Variants in ITGB6 observed in about 807,000 individuals in gnomAD.
The protein encoded by ITGB6 is integrin beta-6.
Under a neutral mutation model 84.5 loss-of-function variants are expected in ITGB6, and 80 were observed. The ratio of observed to expected loss-of-function variants is 0.95; its 90% CI spans 0.79 to 1.14. The LOEUF is 1.14. Among genes scored for constraint, ITGB6 ranks in the 50% most tolerant of loss-of-function variants. ITGB6 has a pLI of 0.00. For missense variants in ITGB6, 1,006 were observed against 968.0 expected (o/e 1.04, Z -0.52); for synonymous variants, 383 against 354.9 (o/e 1.08, Z -0.89).
rs1452305547 is a variant in ITGB6, at chr2:160,099,835, G to C, written c.*1901C>G. The C allele has an allele frequency of 6.6e-6, 1 of 152,106 alleles. No homozygotes were observed. Among genetic ancestry groups the C allele is most frequent in the African/African-American group, 2.4e-5 (1 of 41,416 alleles). The allele number at this position is 152,106 out of a possible 1,614,324, so 9.4% of individuals were successfully genotyped here. A position where few individuals can be genotyped will look rare whatever the true frequency, so the allele number is the denominator to read the frequency against. Reference sequence around the variant, plus strand: ...CTGCCTGGGGTCAAAACAGTATTCAGAGAAAGAGCAGATTCTTCTCTACCT... The same window carrying C: ...CTGCCTGGGGTCAAAACAGTATTCACAGAAAGAGCAGATTCTTCTCTACCT... On this transcript the variant is annotated 3_prime_UTR_variant, in exon 15 of 15. Coordinates refer to ENST00000283249, the MANE Select transcript of ITGB6 (RefSeq NM_000888.5).
At chr2:160,145,743 T>C (rs1684160022) in intron 7 of ITGB6, among the ~76,000 whole-genome samples, 1 of 152,176 alleles carries the variant, frequency 6.6e-6, no homozygotes, top group African/African-American at 2.4e-5. Flanking sequence ...CCTGGTTAAC[T>C]GTGGACAGGC....
At position 160,189,721 on chromosome 2, in the gene ITGB6, T is replaced by C. The variant is rs1437913656; in HGVS notation, c.593+5648A>G. 2.0e-5 allele frequency among the ~76,000 whole-genome samples: 3 copies of C among 151,802 alleles called. No homozygotes were observed. The East Asian group carries it at 5.8e-4, about 29-fold the overall frequency. On this transcript the variant is annotated intron_variant, in intron 4 of 14. Coordinates refer to ENST00000283249, the MANE Select transcript of ITGB6 (RefSeq NM_000888.5). ...AGGAAACAACAGGTGCTGGAGAGGA[T>C]GTGGAGAAATAGGAACACTTTTACA...
chr2:160,108,768 G>C (rs1346671904), intron 13 of ITGB6, among the ~76,000 whole-genome samples: 1 of 152,118 alleles, frequency 6.6e-6, no homozygotes, highest in African/African-American at 2.4e-5. Flanking sequence ...CTTTCAACTT[G>C]AATATTCTAT....
intron 4 of ITGB6, among the ~76,000 whole-genome samples, chr2:160,185,675 A>G (rs1263482284): frequency 6.6e-6 from 1 of 152,232 alleles, no homozygotes; most frequent in Non-Finnish European, 1.5e-5. Context: ...GACAATCCTA[A>G]GCAAAAGAAC....
At chr2:160,134,055 A>G (rs1243517464) in intron 10 of ITGB6, among the ~76,000 whole-genome samples, 1 of 152,240 alleles carries the variant, frequency 6.6e-6, no homozygotes, top group African/African-American at 2.4e-5. Flanking sequence ...AACTAAGATC[A>G]GAGCAGAACT....
At chr2:160,121,893 T>A in intron 12 of ITGB6, among the ~76,000 whole-genome samples, 1 of 151,488 alleles carries the variant, frequency 6.6e-6, no homozygotes, top group East Asian at 1.9e-4. Flanking sequence ...GTTATGCTTT[T>A]TTTTTTTACT....
At chr2:160,195,906 G>A (rs536952076) in intron 3 of ITGB6, among the ~76,000 whole-genome samples, 15 of 152,136 alleles carry the variant, frequency 9.9e-5, no homozygotes, top group Non-Finnish European at 2.1e-4. Flanking sequence ...TTTTAGAAAA[G>A]GAGAACCAAA....
intron 4 of ITGB6, among the ~76,000 whole-genome samples, chr2:160,178,506 G>A (rs1364969032): frequency 6.6e-6 from 1 of 152,126 alleles, no homozygotes; most frequent in Non-Finnish European, 1.5e-5. Flanking sequence ...CTAGAACTCT[G>A]TGCCTTTGGA....
intron 4 of ITGB6, among the ~76,000 whole-genome samples, chr2:160,189,508 A>G (rs1463276148): frequency 6.6e-6 from 1 of 152,170 alleles, no homozygotes; most frequent in Non-Finnish European, 1.5e-5. Context: ...AATTTACAAG[A>G]AAAAAACAAA....
intron 4 of ITGB6, among the ~76,000 whole-genome samples, chr2:160,191,674 T>C (rs924649570): frequency 1.3e-4 from 20 of 151,916 alleles, no homozygotes; most frequent in African/African-American, 4.6e-4. Flanking sequence ...GTCGGTGCAA[T>C]AAGGTAAGAA....
chr2:160,156,856 G>A (rs1050414179), intron 7 of ITGB6, among the ~76,000 whole-genome samples: 1 of 152,170 alleles, frequency 6.6e-6, no homozygotes, highest in Non-Finnish European at 1.5e-5. Flanking sequence ...TTAGGTGCCT[G>A]GCAATGGCTA....
At chr2:160,135,028 C>A (rs1424879534) in intron 10 of ITGB6, among the ~76,000 whole-genome samples, 2 of 152,146 alleles carry the variant, frequency 1.3e-5, no homozygotes, top group Non-Finnish European at 2.9e-5. Flanking sequence ...CACTCCTGTT[C>A]AACATAGTGT....
chr2:160,126,347 A>G, intron 11 of ITGB6, 32 bp downstream of exon 11: 1 of 1,587,036 alleles, frequency 6.3e-7, no homozygotes, highest in Non-Finnish European at 8.7e-7. Flanking sequence ...AAACCTATCC[A>G]CATAAGGAAT....
chr2:160,194,292 T>C (rs1242615653), intron 4 of ITGB6, among the ~76,000 whole-genome samples: 3 of 152,210 alleles, frequency 2.0e-5, no homozygotes, highest in African/African-American at 7.2e-5. Context: ...TTATTTTTTA[T>C]TATGTTAGAT....
intron 7 of ITGB6, 39 bp downstream of exon 7, chr2:160,169,173 A>C: frequency 1.7e-6 from 2 of 1,169,938 alleles, no homozygotes; most frequent in South Asian, 2.7e-5. Flanking sequence ...CATGTCACAT[A>C]ATCTCCTTGA....
At chr2:160,161,784 C>T (rs1490748144) in intron 7 of ITGB6, among the ~76,000 whole-genome samples, 1 of 152,150 alleles carries the variant, frequency 6.6e-6, no homozygotes, top group Non-Finnish European at 1.5e-5. Context: ...TTCCACACTA[C>T]ATTACTGGTG....
Position 160,195,537 on chromosome 2 carries a change from G to A in ITGB6, c.425C>T (p.Ser142Phe). Residue 142 changes from serine to phenylalanine, a missense_variant, in exon 4 of 15, where the codon TCC (serine) becomes TTC (phenylalanine). By Grantham distance (155) the Ser-to-Phe change is radical. Transcript: ENST00000283249. The stretch of plus-strand genomic sequence containing the variant: ...GTTGAGGTCGTCATCCATGGAGGCG[G>A]AGAGGTCCATGAGGTAATACAAATC... ...PVDLYYLMDL[S>F]ASMDDDLNTI... 6.2e-7 allele frequency: 1 copy of A among 1,614,100 alleles called. No homozygotes were observed. The highest frequency in any genetic ancestry group is 1.1e-5 in the South Asian group (1 of 91,078).
chr2:160,195,494 GCC>G lies in ITGB6; in HGVS notation c.466_467del (p.Gly156LeufsTer9), dbSNP rs1686297767. ...TAGACATCTCTTTGGAAAGCCGGGA[GCC>G]CAGCTCCTTTATTGTGTTGAGGTCG... Reference protein sequence around the residue: ...DDDLNTIKELGSRLSKEMSKL... With the variant: ...DDDLNTIKELXSRLSKEMSKL... On this transcript the variant is annotated frameshift_variant, in exon 4 of 15. Transcript: ENST00000283249. LOFTEE classifies it high-confidence loss of function. 1 of 1,614,078 alleles carries G rather than the reference GCC, an allele frequency of 6.2e-7. No homozygotes were observed. The highest frequency in any genetic ancestry group is 8.5e-7 in the Non-Finnish European group (1 of 1,180,028).
At chr2:160,105,962 C>T (rs182691226) in intron 14 of ITGB6, among the ~76,000 whole-genome samples, 1 of 152,220 alleles carries the variant, frequency 6.6e-6, no homozygotes, top group Admixed American at 6.5e-5. Context: ...GCTATATAAC[C>T]AACCTCCAAA....
Sources: allele counts gnomAD v4.1 joint callset (sites outside exome capture counted in the v4.1 genomes callset), GRCh38; gene constraint gnomAD v4.1.1; transcripts MANE v1.5; gene names NCBI Gene and HGNC (gene_info 2026-07-23, HGNC 2026-07-21).